The following OPA1 variants were observed in gnomAD, a reference collection of about 807,000 sequenced individuals.
OPA1 encodes OPA1 mitochondrial dynamin like GTPase.
In OPA1, 59 loss-of-function variants were observed where a neutral mutation model predicts 152.9. The ratio of observed to expected loss-of-function variants is 0.39; its 90% CI spans 0.31 to 0.48. The LOEUF (loss-of-function observed/expected upper bound fraction) is 0.48, where lower values mean the gene tolerates loss of function less well. Ranked by LOEUF, OPA1 falls within the 20% of genes least tolerant of loss-of-function variation. The pLI, the probability that OPA1 is intolerant of heterozygous loss-of-function variation, is 0.96. For synonymous variants in OPA1, 400 were observed against 389.9 expected, an observed-to-expected ratio of 1.03 and a Z score of -0.31; for missense variants, 1,008 against 1,216.8, an observed-to-expected ratio of 0.83 and a Z score of 2.55.
chr3:193,666,652 G>A (rs1321853463), intron 28 of OPA1, among the ~76,000 whole-genome samples: 1 of 152,060 alleles, frequency 6.6e-6, no homozygotes, highest in African/African-American at 2.4e-5. Flanking sequence ...AGCCGGGCAT[G>A]GTGGCACACA....
chr3:193,627,699 A>G (rs1218967152), intron 7 of OPA1, among the ~76,000 whole-genome samples: 5 of 152,222 alleles, frequency 3.3e-5, no homozygotes, highest in Non-Finnish European at 4.4e-5. Flanking sequence ...TGACAATTCA[A>G]GAGATATCCA....
At chr3:193,648,991 G>A (rs960259526) in intron 21 of OPA1, 120 bp downstream of exon 21, 37 of 704,540 alleles carry the variant, frequency 5.3e-5, no homozygotes, top group Admixed American at 1.4e-4. Context: ...AGGCAAAAAC[G>A]TAATAGTATA....
intron 21 of OPA1, 95 bp from the exon 22 acceptor site, chr3:193,654,767 T>A (rs1254649542): frequency 2.3e-6 from 3 of 1,292,002 alleles, no homozygotes; most frequent in Non-Finnish European, 3.3e-6. Flanking sequence ...TTTAAATATG[T>A]ACAGTTTATT....
intron 21 of OPA1, among the ~76,000 whole-genome samples, chr3:193,654,070 A>C (rs1713191339): frequency 6.6e-6 from 1 of 152,204 alleles, no homozygotes; most frequent in African/African-American, 2.4e-5. Flanking sequence ...TGTGTTCATA[A>C]GAAAGACTTG....
intron 21 of OPA1, among the ~76,000 whole-genome samples, chr3:193,652,461 G>T (rs555392356): frequency 1.3e-5 from 2 of 152,122 alleles, no homozygotes; most frequent in South Asian, 2.1e-4. Flanking sequence ...CAATAAGGTA[G>T]CAGATGACAT....
chr3:193,615,037 A>G lies in OPA1; in HGVS notation c.347A>G (p.Lys116Arg), dbSNP rs1290260183. Residue 116 changes from lysine (K) to arginine (R), a missense_variant, in exon 2 of 31, where the codon AAA (lysine) becomes AGA (arginine). By Grantham distance (26) the Lys-to-Arg change is conservative. This residue lies in a region of OPA1 where 408 missense variants were observed against 395.1 expected (regional missense o/e 1.03). Coordinates refer to ENST00000361510, the MANE Select transcript of OPA1 (RefSeq NM_130837.3). ...GCTGTTGGGGGTGGCTACACAGCCA[A>G]AAAGGTGAACTTGACATTCCTCCTG... is the stretch of plus-strand genomic sequence containing the variant. ...GSAVGGGYTAKKTFDQWKDMI... is the reference protein window; with the variant it reads ...GSAVGGGYTARKTFDQWKDMI... 5 of 1,612,380 alleles carry G rather than the reference A, an allele frequency of 3.1e-6. No homozygotes were observed. Among genetic ancestry groups the G allele is most frequent in the African/African-American group, 2.7e-5 (2 of 74,908 alleles).
intron 29 of OPA1, among the ~76,000 whole-genome samples, chr3:193,687,294 G>A (rs910363634): frequency 1.3e-5 from 2 of 152,194 alleles, no homozygotes; most frequent in African/African-American, 4.8e-5. Flanking sequence ...CAATCAAGAA[G>A]CACAGTGAAT....
chr3:193,595,572 C>A (rs1363103164), intron 1 of OPA1, among the ~76,000 whole-genome samples: 2 of 152,168 alleles, frequency 1.3e-5, no homozygotes, highest in African/African-American at 4.8e-5. Flanking sequence ...ATTCTTATGA[C>A]AATCTGATTT....
In OPA1 at chr3:193,617,273, T is replaced by C. The variant is rs769335936; in HGVS notation, c.544T>C (p.Phe182Leu). Residue 182 changes from phenylalanine to leucine, a missense_variant, in exon 4 of 31, where the codon TTT becomes CTT. By Grantham distance (22) the Phe-to-Leu change is conservative. Transcript: ENST00000361510. ...IVESLSLLKD[F>L]FTSGHKLVSE... ...TGAAAGCCTTAGCTTATTGAAGGAC[T>C]TTTTTACCTCAGGTAAGGAAGAAGC... 8 of 1,601,568 alleles carry C rather than the reference T, an allele frequency of 5.0e-6. No homozygotes were observed. The South Asian group carries it at 8.8e-5, about 18-fold the overall frequency.
intron 11 of OPA1, among the ~76,000 whole-genome samples, chr3:193,640,053 G>A (rs1480201511): frequency 6.6e-6 from 1 of 152,170 alleles, no homozygotes; most frequent in East Asian, 1.9e-4. Flanking sequence ...AGAAGATCAG[G>A]AGTTCAGTTT....
At chr3:193,634,991 T>C (rs1732721051) in intron 8 of OPA1, among the ~76,000 whole-genome samples, 2 of 152,228 alleles carry the variant, frequency 1.3e-5, no homozygotes, top group Non-Finnish European at 1.5e-5. Flanking sequence ...TTTTATAGCA[T>C]CTTAATTAAA....
At chr3:193,637,751 G>A (rs918357435) in intron 10 of OPA1, among the ~76,000 whole-genome samples, 1 of 152,146 alleles carries the variant, frequency 6.6e-6, no homozygotes, top group African/African-American at 2.4e-5. Flanking sequence ...GCTATAAACA[G>A]TGGATCCAGT....
chr3:193,681,152 AC>A (rs1720067116), intron 29 of OPA1, among the ~76,000 whole-genome samples: 1 of 152,210 alleles, frequency 6.6e-6, no homozygotes, highest in Admixed American at 6.5e-5. Context: ...AAAATAATTT[AC>A]TTTTTCTCCC....
chr3:193,644,414 C>T (rs1248130669), intron 16 of OPA1, among the ~76,000 whole-genome samples: 1 of 152,064 alleles, frequency 6.6e-6, no homozygotes, highest in African/African-American at 2.4e-5. Flanking sequence ...TTAGTCATTT[C>T]GGCACCCTCA....
At chr3:193,668,687 A>G (rs1717246435) in intron 29 of OPA1, 4 of 1,403,056 alleles carry the variant, frequency 2.9e-6, no homozygotes, top group African/African-American at 2.9e-5. Context: ...ATGTGAACCC[A>G]TTGTAACCCA....
chr3:193,641,187 T>C (rs1733731244), intron 11 of OPA1, among the ~76,000 whole-genome samples: 1 of 152,212 alleles, frequency 6.6e-6, no homozygotes, highest in South Asian at 2.1e-4. Flanking sequence ...TGGATGATAC[T>C]TCAAGAAGAA....
intron 11 of OPA1, among the ~76,000 whole-genome samples, chr3:193,640,104 A>G (rs1182959081): frequency 6.6e-6 from 1 of 152,168 alleles, no homozygotes; most frequent in Non-Finnish European, 1.5e-5. Flanking sequence ...TGGGTATACA[A>G]GTTTAGACAG....
intron 21 of OPA1, among the ~76,000 whole-genome samples, chr3:193,653,280 G>T (rs1196397547): frequency 6.6e-6 from 1 of 152,198 alleles, no homozygotes; most frequent in Non-Finnish European, 1.5e-5. Flanking sequence ...ACCAGGATCT[G>T]TGTTGATTGA....
intron 29 of OPA1, among the ~76,000 whole-genome samples, chr3:193,676,804 C>T (rs1455528707): frequency 6.6e-6 from 1 of 151,994 alleles, no homozygotes; most frequent in Non-Finnish European, 1.5e-5. Context: ...CACAGTGAAA[C>T]CCCGTCTCTA....
Sources: allele counts gnomAD v4.1 joint callset (sites outside exome capture counted in the v4.1 genomes callset), GRCh38; gene constraint gnomAD v4.1.1; regional missense constraint gnomAD v4.1.1; transcripts MANE v1.5; gene names NCBI Gene and HGNC (gene_info 2026-07-23, HGNC 2026-07-21).